The following TCEA3 variants were observed in gnomAD, a reference collection of about 807,000 sequenced individuals.
TCEA3 encodes transcription elongation factor A protein 3.
A neutral mutation model predicts 44.0 loss-of-function variants in TCEA3; 36 were observed. The observed-to-expected ratio is 0.82, with a 90% CI of 0.63 to 1.08. TCEA3 has a LOEUF of 1.08. Among genes scored for constraint, TCEA3 ranks in the 50% least tolerant of loss-of-function variants. The pLI is 0.00. For synonymous variants in TCEA3, 162 were observed against 159.7 expected (o/e 1.01, Z -0.11); for missense variants, 392 against 441.2 (o/e 0.89, Z 1.00).
rs1787653 is a variant in TCEA3, at chr1:23,404,232, A to C, written c.443+4432T>G. On this transcript the variant is annotated intron_variant, in intron 5 of 10. Transcript: ENST00000450454. ...GAACAGTCAACTTTCTCCCCTGTCA[A>C]CATGGTATCCTCCGTGGTCTGCTTC... The C allele has an allele frequency of 0.031, 21,966 of 700,900 alleles. 3,117 individuals are homozygous for C. In the African/African-American group the frequency reaches 0.32, roughly 10 times the overall value. 43.4% of individuals were successfully genotyped at this position (700,900 alleles called of 1,614,324 possible).
chr1:23,392,603 ACAT>A (rs1639088353), intron 8 of TCEA3, among the ~76,000 whole-genome samples: 1 of 150,190 alleles, frequency 6.7e-6, no homozygotes. Flanking sequence ...CACACTCCAC[ACAT>A]CATACACACA....
rs372956699 is a variant in TCEA3, at chr1:23,408,672, C to T, written c.435G>A (p.Ser145=). 163 of 1,611,438 alleles carry T rather than the reference C, an allele frequency of 1.0e-4. No individual in the cohort carries two copies. Among genetic ancestry groups the T allele is most frequent in the African/African-American group, 6.9e-4 (52 of 75,010 alleles). ...SSASSSPKRP[S]VERSNSSKSK... ...GCTGTGGTTTCCTTTACCTTTCCAC[C>T]GATGGTCTTTTTGGAGAGGAGGAGG... The change falls in exon 5 of 11, where the codon TCG becomes TCA. Residue 145 remains serine (S), a synonymous_variant. Transcript: ENST00000450454.
In TCEA3 at chr1:23,384,341, C is replaced by G; in HGVS notation, c.1038+5G>C. On this transcript the variant is annotated splice_donor_5th_base_variant and intron_variant, in intron 10 of 10. Transcript: ENST00000450454. Reference sequence around the variant, plus strand: ...GGGAAGGGGGAAATACATAAACATACAGACCTTCCAGCGATTGCCACATTC... The same window carrying G: ...GGGAAGGGGGAAATACATAAACATAGAGACCTTCCAGCGATTGCCACATTC... 2 of 1,613,938 alleles carry G rather than the reference C, an allele frequency of 1.2e-6. No individual in the cohort carries two copies. The highest frequency in any genetic ancestry group is 1.7e-6 in the Non-Finnish European group (2 of 1,179,874).
At chr1:23,410,279 G>C (rs1369941608) in intron 4 of TCEA3, among the ~76,000 whole-genome samples, 1 of 152,018 alleles carries the variant, frequency 6.6e-6, no homozygotes, top group Non-Finnish European at 1.5e-5. Flanking sequence ...GGAGAGGGGA[G>C]AGAAGACACG....
chr1:23,400,400 G>T (rs1639365308), intron 5 of TCEA3, among the ~76,000 whole-genome samples: 1 of 128,506 alleles, frequency 7.8e-6, no homozygotes, highest in Admixed American at 7.3e-5. Flanking sequence ...TAGAAATGGG[G>T]GTCTCAATAT....
At chr1:23,389,402 T>C (rs1275258895) in intron 8 of TCEA3, among the ~76,000 whole-genome samples, 1 of 151,814 alleles carries the variant, frequency 6.6e-6, no homozygotes, top group African/African-American at 2.4e-5. Context: ...AGCAGGACAA[T>C]TGCTTGAACC....
At chr1:23,416,585 G>A (rs540525685) in intron 4 of TCEA3, among the ~76,000 whole-genome samples, 5 of 152,080 alleles carry the variant, frequency 3.3e-5, no homozygotes, top group Admixed American at 6.5e-5. Flanking sequence ...TCCATCTCCC[G>A]GGCACAAGCG....
chr1:23,413,253 C>T (rs1457023006), intron 4 of TCEA3, among the ~76,000 whole-genome samples: 11 of 151,932 alleles, frequency 7.2e-5, no homozygotes, highest in Non-Finnish European at 1.2e-4. Flanking sequence ...CCTCCCACCT[C>T]AGCCTCCCAA....
rs115853362 is a variant in TCEA3 at position 23,398,977 on chromosome 1, A to T, written c.444-1022T>A. Among the ~76,000 whole-genome samples, 449 of 151,452 alleles carry T rather than the reference A, an allele frequency of 3.0e-3. 2 individuals are homozygous for T. The highest frequency in any genetic ancestry group is 0.01 in the African/African-American group (416 of 41,326). On this transcript the variant is annotated intron_variant, in intron 5 of 10. Coordinates refer to ENST00000450454, the MANE Select transcript of TCEA3 (RefSeq NM_003196.3). ...GAGATGGGATCTCACCATGTTTCCC[A>T]GGCTGATCTAAAACTCCTGGACTCA...
At position 23,417,888 on chromosome 1, in the gene TCEA3, C is replaced by G. The variant is rs1441025441; in HGVS notation, c.238+16G>C. The G allele has an allele frequency of 2.5e-6, 4 of 1,612,762 alleles. No homozygotes were observed. The highest frequency in any genetic ancestry group is 1.7e-5 in the Admixed American group (1 of 60,010). On this transcript the variant is annotated intron_variant, in intron 3 of 10. Coordinates refer to ENST00000450454, the MANE Select transcript of TCEA3 (RefSeq NM_003196.3). ...AGGAGAAAAACAGGGCTCAAGACAA[C>G]CTTGTCCTCTCTCACCTAGCAGCCG...
chr1:23,385,563 C>G (rs1456835237), intron 9 of TCEA3, among the ~76,000 whole-genome samples: 1 of 152,210 alleles, frequency 6.6e-6, no homozygotes, highest in Non-Finnish European at 1.5e-5. Context: ...TGCATTTCTG[C>G]CCTGGCCACA....
chr1:23,419,334 G>T (rs1165615218), intron 1 of TCEA3, 195 bp from the exon 2 acceptor site: 4 of 395,560 alleles, frequency 1.0e-5, no homozygotes, highest in Non-Finnish European at 1.8e-5. Context: ...CCCGCCACCT[G>T]CTGGGTTCAA....
At chr1:23,382,071 G>A (rs999239313) in intron 10 of TCEA3, among the ~76,000 whole-genome samples, 2 of 140,128 alleles carry the variant, frequency 1.4e-5, no homozygotes, top group Admixed American at 1.5e-4. Flanking sequence ...TTTTTGAAAC[G>A]GAGTTTCACT....
chr1:23,403,248 G>T (rs1262930677), intron 5 of TCEA3, among the ~76,000 whole-genome samples: 1 of 152,230 alleles, frequency 6.6e-6, no homozygotes, highest in Non-Finnish European at 1.5e-5. Context: ...GCACTGAGTT[G>T]GTTTACTTAT....
chr1:23,402,212 T>C (rs79780240), intron 5 of TCEA3, among the ~76,000 whole-genome samples: 6,102 of 152,274 alleles, frequency 0.04, 329 homozygotes, highest in South Asian at 0.24. Context: ...TGGTGGCGCA[T>C]GCCTGTAATC....
chr1:23,418,061 G>A, intron 2 of TCEA3, 52 bp from the exon 3 acceptor site: 8 of 1,569,032 alleles, frequency 5.1e-6, no homozygotes, highest in Non-Finnish European at 7.0e-6. Context: ...CACAGGAATG[G>A]CTGCCATCAT....
chr1:23,411,466 C>G, intron 4 of TCEA3: 1 of 203,204 alleles, frequency 4.9e-6, no homozygotes. Context: ...CCAGAGGTCT[C>G]GAATTTATGC....
intron 9 of TCEA3, among the ~76,000 whole-genome samples, chr1:23,386,223 T>C (rs939776540): frequency 6.6e-6 from 1 of 152,204 alleles, no homozygotes; most frequent in Admixed American, 6.5e-5. Context: ...TTTGTTTTGT[T>C]GAGTCAGGGT....
At chr1:23,400,398 G>A (rs947619461) in intron 5 of TCEA3, among the ~76,000 whole-genome samples, 17 of 128,202 alleles carry the variant, frequency 1.3e-4, no homozygotes, top group African/African-American at 7.6e-4. Flanking sequence ...TGTAGAAATG[G>A]GGGTCTCAAT....
Sources: gnomAD v4.1 joint callset for allele counts (sites outside exome capture counted in the v4.1 genomes callset) on GRCh38, gnomAD v4.1.1 for gene constraint, MANE v1.5 for transcripts, NCBI Gene and HGNC (gene_info 2026-07-23, HGNC 2026-07-21) for gene names.